The following LSAMP variants were observed in gnomAD, a reference collection of about 807,000 sequenced individuals.
LSAMP encodes limbic system associated membrane protein.
LSAMP carries 7 observed loss-of-function variants against 38.6 expected under a neutral mutation model. That is an observed-to-expected ratio of 0.18 (90% CI 0.10 to 0.34). The LOEUF (loss-of-function observed/expected upper bound fraction) is 0.34. Among genes scored for constraint, LSAMP ranks in the 10% least tolerant of loss-of-function variants. LSAMP has a pLI of 1.00. For synonymous variants in LSAMP, 154 were observed against 166.8 expected (o/e 0.92, Z 0.59); for missense variants, 313 against 420.0 (o/e 0.75, Z 2.23).
intron 1 of LSAMP, among the ~76,000 whole-genome samples, chr3:116,430,907 T>C (rs150148707): frequency 6.6e-6 from 1 of 152,052 alleles, no homozygotes; most frequent in Non-Finnish European, 1.5e-5. Context: ...AACTACCATA[T>C]TTTTTCTTTC....
chr3:116,344,047 C>G (rs1481838069), intron 1 of LSAMP, among the ~76,000 whole-genome samples: 1 of 152,012 alleles, frequency 6.6e-6, no homozygotes, highest in African/African-American at 2.4e-5. Flanking sequence ...AGGAATTAAA[C>G]TATAGAGTAA....
At chr3:116,118,307 C>T (rs1708798774) in intron 1 of LSAMP, among the ~76,000 whole-genome samples, 1 of 152,076 alleles carries the variant, frequency 6.6e-6, no homozygotes, top group Non-Finnish European at 1.5e-5. Context: ...CCCAACCTTC[C>T]TTCCTTCCCC....
intron 1 of LSAMP, among the ~76,000 whole-genome samples, chr3:116,407,030 CTT>C (rs968995829): frequency 6.6e-6 from 1 of 151,980 alleles, no homozygotes; most frequent in African/African-American, 2.4e-5. Context: ...TATGAAGAAA[CTT>C]TAACTTTCTG....
intron 3 of LSAMP, among the ~76,000 whole-genome samples, chr3:115,879,223 C>G (rs1936262296): frequency 1.3e-5 from 2 of 151,828 alleles, no homozygotes; most frequent in Non-Finnish European, 2.9e-5. Context: ...CTTATCTACC[C>G]TTTTCTGTTA....
intron 1 of LSAMP, among the ~76,000 whole-genome samples, chr3:116,415,542 C>G (rs1218515218): frequency 6.6e-6 from 1 of 152,060 alleles, no homozygotes; most frequent in African/African-American, 2.4e-5. Flanking sequence ...GGAGACTGTT[C>G]TCTTTGGTAC....
chr3:115,972,679 C>G (rs1195709129), intron 3 of LSAMP, among the ~76,000 whole-genome samples: 1 of 151,178 alleles, frequency 6.6e-6, no homozygotes, highest in Non-Finnish European at 1.5e-5. Context: ...GTTAAGAACA[C>G]TGACTTTGAG....
chr3:116,389,175 G>A (rs141800201), intron 1 of LSAMP, among the ~76,000 whole-genome samples: 245 of 152,266 alleles, frequency 1.6e-3, no homozygotes, highest in Non-Finnish European at 2.2e-3. Flanking sequence ...TTTAACTGGA[G>A]GCAACTGTAA....
intron 1 of LSAMP, among the ~76,000 whole-genome samples, chr3:116,425,012 A>G: frequency 6.6e-6 from 1 of 152,148 alleles, no homozygotes; most frequent in East Asian, 1.9e-4. Flanking sequence ...AAAAAAAAAA[A>G]AAAGAGAGTG....
intron 3 of LSAMP, among the ~76,000 whole-genome samples, chr3:115,938,214 G>C (rs1320212868): frequency 6.6e-6 from 1 of 152,098 alleles, no homozygotes; most frequent in Non-Finnish European, 1.5e-5. Flanking sequence ...GTTTATGAGA[G>C]AAAAATGACC....
intron 3 of LSAMP, among the ~76,000 whole-genome samples, chr3:116,005,593 C>G (rs554149979): frequency 6.6e-6 from 1 of 152,200 alleles, no homozygotes; most frequent in East Asian, 1.9e-4. Context: ...CACTCTGACA[C>G]GCAGCAGCTG....
At chr3:116,290,758 TAATAATAATAATAATAA>T (rs1214673636) in intron 1 of LSAMP, among the ~76,000 whole-genome samples, 1 of 148,044 alleles carries the variant, frequency 6.8e-6, no homozygotes, top group East Asian at 2.0e-4. Context: ...ATAATAATAA[TAATAATAATAATAATAA>T]AATAAACTTT....
chr3:115,954,155 T>C (rs1938380665), intron 3 of LSAMP, among the ~76,000 whole-genome samples: 1 of 152,224 alleles, frequency 6.6e-6, no homozygotes, highest in Non-Finnish European at 1.5e-5. Context: ...ATTTACTTAT[T>C]TATTTTTTTA....
At chr3:116,072,660 C>G (rs1258703209) in intron 2 of LSAMP, among the ~76,000 whole-genome samples, 1 of 148,248 alleles carries the variant, frequency 6.7e-6, no homozygotes, top group Non-Finnish European at 1.5e-5. Context: ...CAATATTGAG[C>G]TTTTTTTTCA....
intron 1 of LSAMP, among the ~76,000 whole-genome samples, chr3:116,321,414 C>T (rs977922471): frequency 6.6e-6 from 1 of 152,112 alleles, no homozygotes; most frequent in Non-Finnish European, 1.5e-5. Flanking sequence ...ACAGAATAGT[C>T]ATGAGAATAG....
chr3:116,245,870 T>C (rs1386673029), intron 1 of LSAMP, among the ~76,000 whole-genome samples: 1 of 152,178 alleles, frequency 6.6e-6, no homozygotes, highest in Non-Finnish European at 1.5e-5. Context: ...CTGAGTCCTA[T>C]GGCCATTTTC....
chr3:115,983,295 T>A (rs1382029713), intron 3 of LSAMP, among the ~76,000 whole-genome samples: 1 of 152,096 alleles, frequency 6.6e-6, no homozygotes, highest in Non-Finnish European at 1.5e-5. Flanking sequence ...CAGGGAGGAT[T>A]GCTCAACACC....
chr3:116,180,445 C>T (rs1215224954), intron 1 of LSAMP, among the ~76,000 whole-genome samples: 2 of 151,558 alleles, frequency 1.3e-5, no homozygotes, highest in African/African-American at 2.4e-5. Context: ...AGTTAAATAC[C>T]TGTTACGGTG....
intron 2 of LSAMP, among the ~76,000 whole-genome samples, chr3:116,080,688 A>T (rs1225653690): frequency 6.6e-6 from 1 of 152,258 alleles, no homozygotes; most frequent in Non-Finnish European, 1.5e-5. Context: ...ACCTATTAAC[A>T]GCCAATCAAG....
At chr3:116,108,891 G>C in intron 1 of LSAMP, among the ~76,000 whole-genome samples, 1 of 151,844 alleles carries the variant, frequency 6.6e-6, no homozygotes, top group African/African-American at 2.4e-5. Flanking sequence ...GTGGAGGCAA[G>C]GAATTGCAAC....
Sources: gnomAD v4.1 joint callset for allele counts (sites outside exome capture counted in the v4.1 genomes callset) on GRCh38, gnomAD v4.1.1 for gene constraint, MANE v1.5 for transcripts, NCBI Gene and HGNC (gene_info 2026-07-23, HGNC 2026-07-21) for gene names.